PHKA1: variants seen among roughly 807,000 people sequenced by gnomAD.
The protein encoded by PHKA1 is phosphorylase b kinase regulatory subunit alpha, skeletal muscle isoform.
In PHKA1, 60 loss-of-function variants were observed where a neutral mutation model predicts 110.2. The ratio of observed to expected loss-of-function variants is 0.54; its 90% CI spans 0.44 to 0.68. PHKA1 has a LOEUF of 0.68. PHKA1 is among the 30% of genes least tolerant of loss of function. The pLI, the probability that PHKA1 is intolerant of heterozygous loss-of-function variation, is 0.00. For synonymous variants in PHKA1, 316 were observed against 333.6 expected (o/e 0.95, Z 0.58); for missense variants, 801 against 942.5 (o/e 0.85, Z 1.97).
In PHKA1 at chrX:72,615,793, GGATT is replaced by G. The variant is rs1298190864; in HGVS notation, c.2369+2913_2369+2916del. Among the ~76,000 whole-genome samples, 20 of 102,685 alleles carry G rather than the reference GGATT, an allele frequency of 1.9e-4. No individual in the cohort carries two copies. In the South Asian group the frequency reaches 2.3e-3, roughly 12 times the overall value. The allele number at this position is 102,685 out of a possible 115,157, so 89.2% of individuals were successfully genotyped here. A position where few individuals can be genotyped will look rare whatever the true frequency, so the allele number is the denominator to read the frequency against. ...AGGAAGGAAGGAAGGAAGGAAGGAA[GGATT>G]GATTCTACAAAACAACTGGAAAACA... On this transcript the variant is annotated intron_variant, in intron 21 of 31. Transcript: ENST00000373542.
intron 5 of PHKA1, among the ~76,000 whole-genome samples, chrX:72,682,745 T>C (rs2053921102): frequency 1.2e-5 from 1 of 83,249 alleles, no homozygotes; most frequent in Non-Finnish European, 2.3e-5. Flanking sequence ...TTAAGAGTCA[T>C]CACCAATCCC....
intron 21 of PHKA1, among the ~76,000 whole-genome samples, chrX:72,616,380 T>C (rs1163321307): frequency 4.5e-5 from 5 of 111,399 alleles, no homozygotes; most frequent in African/African-American, 1.3e-4. Context: ...AAATAGACTT[T>C]AAGTAAAACA....
At chrX:72,711,127 C>T (rs2054375199) in intron 2 of PHKA1, among the ~76,000 whole-genome samples, 1 of 110,126 alleles carries the variant, frequency 9.1e-6, no homozygotes, top group Non-Finnish European at 1.9e-5. Flanking sequence ...TCCCAAAGTG[C>T]TGGGATTACA....
chrX:72,582,676 T>C (rs782487554), intron 30 of PHKA1, 78 bp from the exon 31 acceptor site: 2 of 630,883 alleles, frequency 3.2e-6, no homozygotes, highest in African/African-American at 4.4e-5. Context: ...TGAAAGGCAG[T>C]AAAAACACTG....
At chrX:72,612,718 A>G (rs184733742) in intron 21 of PHKA1, among the ~76,000 whole-genome samples, 1 of 111,925 alleles carries the variant, frequency 8.9e-6, no homozygotes, top group Non-Finnish European at 1.9e-5. Context: ...TAGCTGCAAC[A>G]ATTTCCTATC....
chrX:72,590,222 CAG>C, intron 29 of PHKA1, among the ~76,000 whole-genome samples: 1 of 111,738 alleles, frequency 8.9e-6, no homozygotes. Flanking sequence ...GGTACCAAAA[CAG>C]AGATATAGAC....
At chrX:72,603,614 AT>A (rs1556246810) in intron 25 of PHKA1, among the ~76,000 whole-genome samples, 2 of 111,845 alleles carry the variant, frequency 1.8e-5, no homozygotes, top group African/African-American at 6.5e-5. Flanking sequence ...CCTGGAAATA[AT>A]AGAGACTTAA....
intron 28 of PHKA1, among the ~76,000 whole-genome samples, chrX:72,597,109 C>A: frequency 9.0e-6 from 1 of 111,623 alleles, no homozygotes; most frequent in Non-Finnish European, 1.9e-5. Context: ...AAAATTAAGC[C>A]CATTGTGCAG....
At chrX:72,679,540 G>C (rs2053818291) in intron 5 of PHKA1, among the ~76,000 whole-genome samples, 1 of 110,805 alleles carries the variant, frequency 9.0e-6, no homozygotes, top group African/African-American at 3.3e-5. Context: ...GGACATTAAA[G>C]CATGTATTAT....
At chrX:72,633,841 C>G (rs1439592227) in intron 16 of PHKA1, among the ~76,000 whole-genome samples, 1 of 111,503 alleles carries the variant, frequency 9.0e-6, no homozygotes, top group African/African-American at 3.3e-5. Context: ...ATTATTGAAC[C>G]CTACCTTACT....
chrX:72,601,204 C>T (rs782279824), intron 28 of PHKA1, among the ~76,000 whole-genome samples: 8 of 111,848 alleles, frequency 7.2e-5, no homozygotes, highest in Admixed American at 6.7e-4. Context: ...GATGTTTCTC[C>T]CTCTGTGTCC....
At position 72,582,617 on chromosome X, in the gene PHKA1, A is replaced by G; in HGVS notation, c.3298-19T>C. 9.5e-7 allele frequency: 1 copy of G among 1,048,161 alleles called. No homozygotes were observed. 86.4% of individuals were successfully genotyped at this position (1,048,161 alleles called of 1,213,427 possible). On this transcript the variant is annotated intron_variant, in intron 30 of 31. Transcript: ENST00000373542. ...GAGTCATCTGTGATAGAGAAAAAGA[A>G]AATCACTTCCTAAGAGTCCATCATC...
chrX:72,650,563 C>CA, intron 12 of PHKA1, 95 bp from the exon 13 acceptor site: 10 of 676,581 alleles, frequency 1.5e-5, no homozygotes, highest in Admixed American at 2.7e-5. Context: ...AACCTTGCAC[C>CA]ATAACATTCA....
At chrX:72,599,213 G>A (rs1347078237) in intron 28 of PHKA1, among the ~76,000 whole-genome samples, 4 of 111,604 alleles carry the variant, frequency 3.6e-5, no homozygotes, top group Admixed American at 9.5e-5. Flanking sequence ...ATATTGTTTC[G>A]AATAATTTTC....
chrX:72,656,162 T>C lies in PHKA1; in HGVS notation c.999A>G (p.Thr333=). The part of the protein sequence containing the change: ...NIECEWPLFW[T]YFILDGVFSG... ...TGAAGACCCCATCAAGAATAAAGTA[T>C]GTCCAGAACAATGGCCATTCACACT... The change falls in exon 10 of 32, where the codon ACA becomes ACG. Residue 333 remains threonine, a synonymous_variant. Transcript: ENST00000373542. The C allele has an allele frequency of 8.3e-7, 1 of 1,210,141 alleles. No homozygotes were observed. Among genetic ancestry groups the C allele is most frequent in the Non-Finnish European group, 1.1e-6 (1 of 893,795 alleles).
At chrX:72,681,254 G>C (rs1457185842) in intron 5 of PHKA1, among the ~76,000 whole-genome samples, 1 of 98,335 alleles carries the variant, frequency 1.0e-5, no homozygotes, top group Non-Finnish European at 2.1e-5. Flanking sequence ...CTGCCTGGCC[G>C]CCCCGTCTGA....
intron 5 of PHKA1, among the ~76,000 whole-genome samples, chrX:72,682,536 G>A (rs1227652827): frequency 9.4e-6 from 1 of 106,645 alleles, no homozygotes; most frequent in East Asian, 3.1e-4. Flanking sequence ...GTGTCTGTGT[G>A]GAGAGAAGTA....
At chrX:72,624,697 A>C (rs2053029106) in intron 17 of PHKA1, among the ~76,000 whole-genome samples, 1 of 111,355 alleles carries the variant, frequency 9.0e-6, no homozygotes, top group South Asian at 3.8e-4. Context: ...GTAAGTAATA[A>C]AATCTTTATT....
chrX:72,647,494 G>A (rs1465493416), intron 13 of PHKA1, among the ~76,000 whole-genome samples: 1 of 112,117 alleles, frequency 8.9e-6, no homozygotes, highest in Non-Finnish European at 1.9e-5. Flanking sequence ...AGATTCAGGA[G>A]TCATTAGCAT....
Sources: gnomAD v4.1 joint callset for allele counts (sites outside exome capture counted in the v4.1 genomes callset) on GRCh38, gnomAD v4.1.1 for gene constraint, MANE v1.5 for transcripts, NCBI Gene and HGNC (gene_info 2026-07-23, HGNC 2026-07-21) for gene names.